The following SPATA6 variants were observed in gnomAD, a reference collection of about 807,000 sequenced individuals.
SPATA6 encodes spermatogenesis associated 6.
A neutral mutation model predicts 65.3 loss-of-function variants in SPATA6; 56 were observed. The observed-to-expected ratio is 0.86, with a 90% CI of 0.69 to 1.07. SPATA6 has a LOEUF of 1.07. Among genes scored for constraint, SPATA6 ranks in the 50% least tolerant of loss-of-function variants. The pLI, the probability that SPATA6 is intolerant of heterozygous loss-of-function variation, is 0.00. For synonymous variants in SPATA6, 199 were observed against 213.2 expected, an observed-to-expected ratio of 0.93 and a Z score of 0.58; for missense variants, 590 against 594.8, an observed-to-expected ratio of 0.99 and a Z score of 0.08.
chr1:48,272,313 A>G, the SPATA6 span, among the ~76,000 whole-genome samples: 1 of 152,110 alleles, frequency 6.6e-6, no homozygotes. Flanking sequence ...TCATAGCTGA[A>G]ACTTTGTACC....
chr1:48,351,182 T>C (rs144719247), intron 11 of SPATA6, among the ~76,000 whole-genome samples: 159 of 151,992 alleles, frequency 1.0e-3, no homozygotes, highest in African/African-American at 3.7e-3. Flanking sequence ...AGAAAAAAAA[T>C]TGACTTTCCT....
chr1:48,390,036 A>C (rs1384359109), intron 8 of SPATA6, among the ~76,000 whole-genome samples: 1 of 152,204 alleles, frequency 6.6e-6, no homozygotes, highest in Non-Finnish European at 1.5e-5. Context: ...TTGAATGTAA[A>C]ACTAAAAATA....
chr1:48,340,347 G>C (rs1458507622), intron 11 of SPATA6, among the ~76,000 whole-genome samples: 4 of 133,454 alleles, frequency 3.0e-5, no homozygotes, highest in Admixed American at 2.9e-4. Flanking sequence ...CACCAAAAAA[G>C]ATAAGTAAGT....
intron 1 of SPATA6, among the ~76,000 whole-genome samples, 167 bp downstream of exon 1, chr1:48,471,791 G>A (rs987313269): frequency 1.3e-5 from 2 of 152,154 alleles, no homozygotes; most frequent in Non-Finnish European, 2.9e-5. Flanking sequence ...GAGTGGGAGA[G>A]CGCTTCTGAG....
the SPATA6 span, among the ~76,000 whole-genome samples, chr1:48,281,153 T>G: frequency 1.4e-4 from 22 of 152,252 alleles, no homozygotes; most frequent in African/African-American, 5.3e-4. Flanking sequence ...CTAAAAAATC[T>G]CAATAAATTA....
chr1:48,372,289 T>C (rs1329610271), intron 9 of SPATA6, among the ~76,000 whole-genome samples: 2 of 152,116 alleles, frequency 1.3e-5, no homozygotes, highest in African/African-American at 4.8e-5. Flanking sequence ...ACAGCTGTTC[T>C]AAATGAGAGA....
At chr1:48,386,188 T>C (rs528676954) in intron 8 of SPATA6, among the ~76,000 whole-genome samples, 1 of 152,306 alleles carries the variant, frequency 6.6e-6, no homozygotes, top group South Asian at 2.1e-4. Context: ...GATAACATGA[T>C]ACACTTCGTG....
At chr1:48,430,720 G>C (rs1420101169) in intron 3 of SPATA6, among the ~76,000 whole-genome samples, 1 of 152,010 alleles carries the variant, frequency 6.6e-6, no homozygotes, top group Non-Finnish European at 1.5e-5. Context: ...TTACAACATA[G>C]GTGTGTTAAA....
intron 9 of SPATA6, among the ~76,000 whole-genome samples, chr1:48,375,395 A>T (rs1418266885): frequency 6.6e-6 from 1 of 152,034 alleles, no homozygotes. Flanking sequence ...AAAGCCACTA[A>T]CCCATTTTTG....
chr1:48,318,318 T>A (rs1235294538), intron 11 of SPATA6, among the ~76,000 whole-genome samples: 5 of 151,978 alleles, frequency 3.3e-5, no homozygotes, highest in Non-Finnish European at 7.4e-5. Flanking sequence ...GAAATCAAGA[T>A]CAGAAAGGAA....
chr1:48,431,992 C>G (rs1046663061), intron 3 of SPATA6, among the ~76,000 whole-genome samples: 1 of 152,062 alleles, frequency 6.6e-6, no homozygotes, highest in Non-Finnish European at 1.5e-5. Context: ...TGCCTGTAGC[C>G]CCAGCTATGT....
At chr1:48,381,962 C>T (rs1167073738) in intron 9 of SPATA6, among the ~76,000 whole-genome samples, 1 of 110,544 alleles carries the variant, frequency 9.0e-6, no homozygotes, top group Non-Finnish European at 1.8e-5. Context: ...CTTGCACCGC[C>T]CTTAATCCAT....
intron 1 of SPATA6, among the ~76,000 whole-genome samples, chr1:48,454,643 A>G (rs1235457120): frequency 6.6e-6 from 1 of 152,210 alleles, no homozygotes. Flanking sequence ...TCCTGAGGAC[A>G]GAAATTTTCT....
chr1:48,317,327 C>T (rs1163989037), intron 11 of SPATA6, among the ~76,000 whole-genome samples: 3 of 152,186 alleles, frequency 2.0e-5, no homozygotes, highest in Non-Finnish European at 2.9e-5. Context: ...CACATATACA[C>T]TGTGGAATAC....
At position 48,453,142 on chromosome 1, in the gene SPATA6, T is replaced by G; in HGVS notation, c.52-11A>C. The G allele has an allele frequency of 1.2e-6, 2 of 1,606,832 alleles. No individual in the cohort carries two copies. The highest frequency in any genetic ancestry group is 2.2e-5 in the South Asian group (2 of 89,262). The stretch of plus-strand genomic sequence containing the variant: ...TCCTGGGCAAGTTACCTGAAAGAAA[T>G]TAGATAAAATGGATGTAACTGCTTT... On this transcript the variant is annotated splice_polypyrimidine_tract_variant and intron_variant, in intron 1 of 12. Transcript: ENST00000371847.
chr1:48,411,638 A>G, intron 4 of SPATA6, 50 bp from the exon 5 acceptor site: 1 of 1,422,812 alleles, frequency 7.0e-7, no homozygotes, highest in South Asian at 1.8e-5. Context: ...TATTCTATTT[A>G]GAAACAAAAT....
At chr1:48,265,003 C>A in the SPATA6 span, among the ~76,000 whole-genome samples, 3 of 152,170 alleles carry the variant, frequency 2.0e-5, no homozygotes, top group African/African-American at 7.2e-5. Flanking sequence ...CTTCATGCCT[C>A]CATGCAAGCT....
At chr1:48,467,929 T>G (rs1570662516) in intron 1 of SPATA6, among the ~76,000 whole-genome samples, 2 of 152,164 alleles carry the variant, frequency 1.3e-5, no homozygotes, top group African/African-American at 4.8e-5. Context: ...GGAACCCTTG[T>G]ACACCGTTGG....
the SPATA6 span, chr1:48,262,944 G>A: frequency 6.6e-6 from 1 of 152,042 alleles, no homozygotes; most frequent in African/African-American, 2.4e-5. Context: ...AATCTTTGAT[G>A]TCTAAATAAT....
Sources: allele counts gnomAD v4.1 joint callset (sites outside exome capture counted in the v4.1 genomes callset), GRCh38; gene constraint gnomAD v4.1.1; transcripts MANE v1.5; gene names NCBI Gene and HGNC (gene_info 2026-07-23, HGNC 2026-07-21).